The following ACYP2 variants were observed in gnomAD, a reference collection of about 807,000 sequenced individuals.
ACYP2 encodes the protein acylphosphatase 2.
A neutral mutation model predicts 11.2 loss-of-function variants in ACYP2; 12 were observed. The observed-to-expected ratio is 1.08, with a 90% CI of 0.69 to 1.74. The LOEUF is 1.74. ACYP2 is among the 40% of genes most tolerant of loss of function. The pLI is 0.00. For missense variants in ACYP2, 134 were observed against 101.9 expected, an observed-to-expected ratio of 1.31 and a Z score of -1.35; for synonymous variants, 43 against 32.2, an observed-to-expected ratio of 1.33 and a Z score of -1.13.
At chr2:54,214,292 G>A (rs1277953780) in intron 6 of ACYP2, among the ~76,000 whole-genome samples, 1 of 152,158 alleles carries the variant, frequency 6.6e-6, no homozygotes, top group Non-Finnish European at 1.5e-5. Flanking sequence ...TGCTTTTGGA[G>A]TCTTTGTCAT....
chr2:54,143,733 GT>G (rs545149069), intron 6 of ACYP2, among the ~76,000 whole-genome samples: 974 of 76,048 alleles, frequency 0.013, 26 homozygotes, highest in Middle Eastern at 0.047. Context: ...TACCCAGCCG[GT>G]TTTTTTTTTT....
chr2:54,268,325 C>A (rs532984575), intron 6 of ACYP2, among the ~76,000 whole-genome samples: 1 of 152,142 alleles, frequency 6.6e-6, no homozygotes, highest in African/African-American at 2.4e-5. Flanking sequence ...TTTTCCTTCT[C>A]GTCATCTTTC....
intron 6 of ACYP2, among the ~76,000 whole-genome samples, chr2:54,172,217 C>A (rs553970984): frequency 6.6e-6 from 1 of 151,646 alleles, no homozygotes; most frequent in Admixed American, 6.6e-5. Context: ...GACCCTGTCT[C>A]TAGAAAAATA....
intron 2 of ACYP2, among the ~76,000 whole-genome samples, chr2:54,035,273 T>C (rs1321014216): frequency 6.8e-6 from 1 of 146,876 alleles, no homozygotes; most frequent in Admixed American, 6.7e-5. Flanking sequence ...TTCTTTTTTT[T>C]TTTTTTTTTT....
chr2:54,078,267 C>T (rs1677451198), intron 4 of ACYP2, among the ~76,000 whole-genome samples: 1 of 151,786 alleles, frequency 6.6e-6, no homozygotes, highest in South Asian at 2.1e-4. Context: ...TTTTCTGTCT[C>T]ATCTCTGACA....
At chr2:54,191,709 C>T (rs568799190) in intron 6 of ACYP2, among the ~76,000 whole-genome samples, 158 of 152,230 alleles carry the variant, frequency 1.0e-3, no homozygotes, top group African/African-American at 3.7e-3. Flanking sequence ...GTCCATATAA[C>T]CCTCTCATTT....
At chr2:54,175,725 A>C (rs1683429976) in intron 6 of ACYP2, among the ~76,000 whole-genome samples, 1 of 152,134 alleles carries the variant, frequency 6.6e-6, no homozygotes, top group Non-Finnish European at 1.5e-5. Flanking sequence ...CTGTGGTAGA[A>C]ACTGCCAGTT....
intron 6 of ACYP2, among the ~76,000 whole-genome samples, chr2:54,298,521 T>C (rs1157680365): frequency 6.6e-6 from 1 of 152,068 alleles, no homozygotes; most frequent in Non-Finnish European, 1.5e-5. Context: ...CCTTGGAAAC[T>C]AGAAAGCAGA....
intron 4 of ACYP2, among the ~76,000 whole-genome samples, chr2:54,128,008 T>C (rs1323674460): frequency 6.6e-6 from 1 of 152,224 alleles, no homozygotes; most frequent in Non-Finnish European, 1.5e-5. Context: ...TGAATCCATT[T>C]TCTTTTGCAA....
intron 6 of ACYP2, among the ~76,000 whole-genome samples, chr2:54,279,323 T>C (rs751264004): frequency 3.9e-5 from 6 of 152,106 alleles, no homozygotes; most frequent in Non-Finnish European, 5.9e-5. Context: ...TTGTGCACTA[T>C]AGTGACCCAG....
intron 4 of ACYP2, among the ~76,000 whole-genome samples, chr2:54,096,880 G>A (rs906834002): frequency 1.3e-5 from 2 of 152,024 alleles, no homozygotes; most frequent in Non-Finnish European, 2.9e-5. Flanking sequence ...GAGCTAATCT[G>A]TTTTTTAAAA....
chr2:54,241,203 A>G (rs2103985522), intron 6 of ACYP2, among the ~76,000 whole-genome samples: 1 of 152,348 alleles, frequency 6.6e-6, no homozygotes, highest in African/African-American at 2.4e-5. Context: ...TTCAGTTGTT[A>G]CAAGTTGAAT....
At chr2:54,096,456 C>CG (rs1678587771) in intron 4 of ACYP2, among the ~76,000 whole-genome samples, 2 of 152,100 alleles carry the variant, frequency 1.3e-5, no homozygotes, top group Non-Finnish European at 2.9e-5. Flanking sequence ...GCTGTACTCT[C>CG]GGCACTTTGG....
At chr2:54,111,175 G>A (rs1679441507) in intron 4 of ACYP2, among the ~76,000 whole-genome samples, 1 of 152,154 alleles carries the variant, frequency 6.6e-6, no homozygotes, top group South Asian at 2.1e-4. Flanking sequence ...AGAGAGAACT[G>A]GCATAGCCTA....
chr2:54,098,264 T>A (rs1280167942), intron 4 of ACYP2, among the ~76,000 whole-genome samples: 6 of 152,140 alleles, frequency 3.9e-5, no homozygotes, highest in African/African-American at 1.4e-4. Flanking sequence ...CCACTGCACC[T>A]GGCCACAATT....
At chr2:53,984,621 AT>A (rs1332431402) in intron 2 of ACYP2, among the ~76,000 whole-genome samples, 1 of 149,562 alleles carries the variant, frequency 6.7e-6, no homozygotes, top group African/African-American at 2.4e-5. Context: ...GTATGCATAT[AT>A]TATATATTAT....
At chr2:54,202,750 G>T (rs2103913935) in intron 6 of ACYP2, among the ~76,000 whole-genome samples, 1 of 52,152 alleles carries the variant, frequency 1.9e-5, no homozygotes, top group East Asian at 8.7e-4. Flanking sequence ...TTTTTTTTGA[G>T]ATGAGTCTTG....
At chr2:54,059,117 G>A (rs909871981) in intron 4 of ACYP2, among the ~76,000 whole-genome samples, 28 of 152,192 alleles carry the variant, frequency 1.8e-4, no homozygotes, top group African/African-American at 6.5e-4. Context: ...GTCCAAGATG[G>A]TGATGTTCCT....
intron 6 of ACYP2, among the ~76,000 whole-genome samples, chr2:54,300,099 AT>A (rs1182164581): frequency 1.3e-5 from 2 of 152,106 alleles, no homozygotes; most frequent in Admixed American, 6.5e-5. Context: ...TTGCTCTCCA[AT>A]TTTTAAAATC....
Sources: gnomAD v4.1 joint callset for allele counts (sites outside exome capture counted in the v4.1 genomes callset) on GRCh38, gnomAD v4.1.1 for gene constraint, MANE v1.5 for transcripts, NCBI Gene and HGNC (gene_info 2026-07-23, HGNC 2026-07-21) for gene names.